UGT2A1: variants seen among roughly 807,000 people sequenced by gnomAD.
The protein encoded by UGT2A1 is UDP-glucuronosyltransferase 2A1.
UGT2A1 carries 61 observed loss-of-function variants against 45.4 expected under a neutral mutation model. The observed-to-expected ratio is 1.34, with a 90% CI of 1.09 to 1.66. The LOEUF (loss-of-function observed/expected upper bound fraction) is 1.66, where lower values mean the gene tolerates loss of function less well. Among genes scored for constraint, UGT2A1 ranks in the 40% most tolerant of loss-of-function variants. The pLI is 0.00. For missense variants in UGT2A1, 649 were observed against 574.3 expected (o/e 1.13, Z -1.33); for synonymous variants, 229 against 196.2 (o/e 1.17, Z -1.40).
intron 2 of UGT2A1, chr4:69,639,618 G>A (rs777523507): frequency 6.3e-7 from 1 of 1,591,324 alleles, no homozygotes; most frequent in Non-Finnish European, 8.5e-7. Flanking sequence ...CTTAGGCATG[G>A]TAAAATCCCT....
chr4:69,598,840 T>G (rs1719087149), intron 4 of UGT2A1, among the ~76,000 whole-genome samples: 1 of 152,118 alleles, frequency 6.6e-6, no homozygotes, highest in South Asian at 2.1e-4. Context: ...CTCACCAAGT[T>G]AAATGGAATT....
In UGT2A1 at chr4:69,604,148, T is replaced by C; in HGVS notation, c.848-4754A>G. Reference sequence around the variant, plus strand: ...ACCAAAGTAGAAATGAAGGAAAAAATGTTAAGGGCAGCCAGAGAGAAAGGT... The same window carrying C: ...ACCAAAGTAGAAATGAAGGAAAAAACGTTAAGGGCAGCCAGAGAGAAAGGT... On this transcript the variant is annotated intron_variant, in intron 3 of 6. Coordinates refer to ENST00000286604, the MANE Select transcript of UGT2A1 (RefSeq NM_001252275.3). Among the ~76,000 whole-genome samples the C allele has an allele frequency of 1.5e-5, 2 of 134,846 alleles. 1 individual carries two copies. 88.5% of individuals were successfully genotyped at this position (134,846 alleles called of 152,430 possible).
intron 6 of UGT2A1, among the ~76,000 whole-genome samples, chr4:69,590,260 G>A (rs112215417): frequency 3.9e-5 from 6 of 152,340 alleles, no homozygotes; most frequent in East Asian, 3.9e-4. Context: ...GAACTTTGAT[G>A]TTTCAATTGA....
chr4:69,593,067 G>C (rs1313966835), intron 6 of UGT2A1, among the ~76,000 whole-genome samples: 1 of 152,162 alleles, frequency 6.6e-6, no homozygotes, highest in South Asian at 2.1e-4. Flanking sequence ...ATTTCCACAG[G>C]TCTGAAGGAA....
intron 3 of UGT2A1, among the ~76,000 whole-genome samples, chr4:69,631,736 A>C (rs1457523574): frequency 6.6e-6 from 1 of 152,184 alleles, no homozygotes; most frequent in East Asian, 1.9e-4. Flanking sequence ...TAGCCACTAC[A>C]TCAGGGTATT....
chr4:69,594,770 C>T lies in UGT2A1; in HGVS notation c.1085-74G>A, dbSNP rs953321680. The T allele has an allele frequency of 2.0e-6, 3 of 1,494,380 alleles. No individual in the cohort carries two copies. The African/African-American group carries it at 4.2e-5, about 21-fold the overall frequency. 92.6% of individuals were successfully genotyped at this position (1,494,380 alleles called of 1,614,324 possible). On this transcript the variant is annotated intron_variant, in intron 5 of 6. Transcript: ENST00000286604. ...GCAGAATTTGAGAGACAGAAGGGGT[C>T]AAAAAGCTGTAATGTAACTCTCTAA...
chr4:69,648,436 C>T (rs1172780580), intron 1 of UGT2A1, among the ~76,000 whole-genome samples: 2 of 151,836 alleles, frequency 1.3e-5, no homozygotes, highest in Admixed American at 6.6e-5. Flanking sequence ...AAGTGCTGTT[C>T]AAAAACTATC....
chr4:69,599,364 C>T lies in UGT2A1; in HGVS notation c.878G>A (p.Gly293Glu). ...TCGGATTAACCAAATTTCAGCTTTC[C>T]CCATAGTCTCACATAACGTAGTGGG... is the stretch of plus-strand genomic sequence containing the variant. The part of the protein sequence containing the change: ...GRPTTLCETM[G>E]KAEIWLIRTY... Residue 293 changes from glycine to glutamate, a missense_variant, in exon 4 of 7, where the codon GGG becomes GAG. By Grantham distance (98) the Gly-to-Glu change is moderately conservative (BLOSUM62 -2). Transcript: ENST00000286604. 1.2e-6 allele frequency: 2 copies of T among 1,613,562 alleles called. No homozygotes were observed. The highest frequency in any genetic ancestry group is 1.7e-5 in the Admixed American group (1 of 59,932).
rs1189533582 is a variant in UGT2A1 at position 69,603,850 on chromosome 4, G to T, written c.848-4456C>A. 3.7e-5 allele frequency among the ~76,000 whole-genome samples: 5 copies of T among 136,618 alleles called. 1 individual carries two copies. The highest frequency in any genetic ancestry group is 1.5e-4 in the African/African-American group (5 of 33,734). The allele number at this position is 136,618 out of a possible 152,430, so 89.6% of individuals were successfully genotyped here. A position where few individuals can be genotyped will look rare whatever the true frequency, so the allele number is the denominator to read the frequency against. On this transcript the variant is annotated intron_variant, in intron 3 of 6. Coordinates refer to ENST00000286604, the MANE Select transcript of UGT2A1 (RefSeq NM_001252275.3). ...AGATCAAATGAATGAAATGAAGCGA[G>T]AAGAGAAGTTTAGAGAAAAAAGAAT...
At chr4:69,642,563 C>T (rs1214784587) in intron 2 of UGT2A1, among the ~76,000 whole-genome samples, 1 of 151,648 alleles carries the variant, frequency 6.6e-6, no homozygotes, top group African/African-American at 2.4e-5. Context: ...AGGATATACA[C>T]TTGAATGTGT....
intron 2 of UGT2A1, among the ~76,000 whole-genome samples, chr4:69,637,733 T>C (rs1200470986): frequency 6.6e-6 from 1 of 152,144 alleles, no homozygotes; most frequent in Non-Finnish European, 1.5e-5. Context: ...TCTCCTCTCA[T>C]GAGAATGTAA....
intron 3 of UGT2A1, among the ~76,000 whole-genome samples, chr4:69,624,142 A>G (rs1203906867): frequency 6.6e-6 from 1 of 151,570 alleles, no homozygotes; most frequent in East Asian, 1.9e-4. Flanking sequence ...TCATCAATTT[A>G]CTTTCTTTAC....
At chr4:69,626,090 T>G (rs10013712) in intron 3 of UGT2A1, among the ~76,000 whole-genome samples, 52,988 of 151,172 alleles carry the variant, frequency 0.35, 9,621 homozygotes, top group African/African-American at 0.43. Context: ...AGTCATATAT[T>G]TATGCTTTGT....
intron 6 of UGT2A1, among the ~76,000 whole-genome samples, chr4:69,592,220 C>T (rs1718634079): frequency 6.6e-6 from 1 of 152,086 alleles, no homozygotes; most frequent in Admixed American, 6.6e-5. Context: ...TCTCAGCCTT[C>T]AGGAAAAGTG....
Position 69,589,153 on chromosome 4 carries a change from G to C in UGT2A1, c.*219C>G, listed in dbSNP as rs1308460505. The C allele has an allele frequency of 1.0e-5, 5 of 487,836 alleles. No homozygotes were observed. Among genetic ancestry groups the C allele is most frequent in the Non-Finnish European group, 1.6e-5 (5 of 310,354 alleles). 30.2% of individuals were successfully genotyped at this position (487,836 alleles called of 1,614,324 possible). ...GAAGAGGGTATAGTCAGCAGGGAGA[G>C]ACAAAGGAAAAATAGAAGACTATAA... is the stretch of plus-strand genomic sequence containing the variant. On this transcript the variant is annotated 3_prime_UTR_variant, in exon 7 of 7. Coordinates refer to ENST00000286604, the MANE Select transcript of UGT2A1 (RefSeq NM_001252275.3).
intron 2 of UGT2A1, among the ~76,000 whole-genome samples, chr4:69,644,441 A>G (rs1487048629): frequency 2.0e-5 from 3 of 151,718 alleles, no homozygotes; most frequent in South Asian, 2.1e-4. Context: ...CCGCTCTTAT[A>G]TGAACGGAGA....
chr4:69,611,815 T>C (rs1720077697), intron 3 of UGT2A1, among the ~76,000 whole-genome samples: 1 of 152,122 alleles, frequency 6.6e-6, no homozygotes, highest in Admixed American at 6.6e-5. Flanking sequence ...AGATACACAG[T>C]ATGTTTTAGG....
At chr4:69,642,587 C>T (rs1044066418) in intron 2 of UGT2A1, among the ~76,000 whole-genome samples, 18 of 151,520 alleles carry the variant, frequency 1.2e-4, no homozygotes, top group African/African-American at 4.4e-4. Context: ...ATTTCTAGCA[C>T]TTTATTTTAC....
At chr4:69,596,458 G>T in intron 4 of UGT2A1, 2 of 1,387,516 alleles carry the variant, frequency 1.4e-6, no homozygotes, top group Non-Finnish European at 1.9e-6. Context: ...CATTTAAGTA[G>T]GTAAAATTAA....
Sources: gnomAD v4.1 joint callset for allele counts (sites outside exome capture counted in the v4.1 genomes callset) on GRCh38, gnomAD v4.1.1 for gene constraint, MANE v1.5 for transcripts, NCBI Gene and HGNC (gene_info 2026-07-23, HGNC 2026-07-21) for gene names.